ATP2B3: variants seen among roughly 807,000 people sequenced by gnomAD.
ATP2B3 encodes plasma membrane calcium-transporting ATPase 3.
ATP2B3 carries 12 observed loss-of-function variants against 70.8 expected under a neutral mutation model. That is an observed-to-expected ratio of 0.17 (90% CI 0.11 to 0.27). The LOEUF (loss-of-function observed/expected upper bound fraction) is 0.27, where lower values mean the gene tolerates loss of function less well. ATP2B3 is among the 10% of genes least tolerant of loss of function. ATP2B3 has a pLI of 1.00. For synonymous variants in ATP2B3, 460 were observed against 497.8 expected, an observed-to-expected ratio of 0.92 and a Z score of 1.01; for missense variants, 858 against 1,118.5, an observed-to-expected ratio of 0.77 and a Z score of 3.32.
chrX:153,556,932 C>T lies in ATP2B3; in HGVS notation c.2342C>T (p.Thr781Ile). The change falls in exon 16 of 22, where the codon ACC (threonine) becomes ATC (isoleucine). Residue 781 changes from threonine (T) to isoleucine (I), a missense_variant. Thr to Ile is a moderately conservative substitution (Grantham distance 89). Coordinates refer to ENST00000263519, the MANE Select transcript of ATP2B3 (RefSeq NM_001001344.3). ...HTLVKGIIDS[T>I]TGEQRQVVAV... ...TGTCTTCCAGGGATTATCGACAGCA[C>T]CACTGGTGAGCAGCGGCAGGTGGTG... 8.4e-7 allele frequency: 1 copy of T among 1,192,250 alleles called. No homozygotes were observed. The highest frequency in any genetic ancestry group is 1.1e-6 in the Non-Finnish European group (1 of 885,351).
intron 2 of ATP2B3, among the ~76,000 whole-genome samples, chrX:153,521,587 C>T (rs1236230411): frequency 2.7e-5 from 3 of 111,874 alleles, no homozygotes; most frequent in Admixed American, 9.4e-5. Context: ...CGAGTATGTC[C>T]GTGTCCTTGA....
chrX:153,548,812 C>A lies in ATP2B3; in HGVS notation c.1296C>A (p.Gly432=). 2 of 1,211,791 alleles carry A rather than the reference C, an allele frequency of 1.7e-6. No individual in the cohort carries two copies. Among genetic ancestry groups the A allele is most frequent in the Non-Finnish European group, 2.2e-6 (2 of 895,371 alleles). ...TGCTGGTCGTGGCTGTCCCAGAGGGCCTGCCTCTTGCTGTCACCATCTCCT... is the reference window on the plus strand; with the variant it reads ...TGCTGGTCGTGGCTGTCCCAGAGGGACTGCCTCTTGCTGTCACCATCTCCT... ...VTVLVVAVPE[G]LPLAVTISLA... Residue 432 remains glycine (G), a synonymous_variant, in exon 10 of 22, where the codon GGC becomes GGA. Transcript: ENST00000263519.
intron 2 of ATP2B3, among the ~76,000 whole-genome samples, chrX:153,523,852 C>T (rs2089994103): frequency 9.1e-6 from 1 of 109,760 alleles, no homozygotes; most frequent in Non-Finnish European, 1.9e-5. Context: ...CCCGCCACCA[C>T]ACCCGGCTAA....
At position 153,526,262 on chromosome X, in the gene ATP2B3, G is replaced by A. The variant is rs187050149; in HGVS notation, c.-127+7711G>A. Among the ~76,000 whole-genome samples, 4 of 111,983 alleles carry A rather than the reference G, an allele frequency of 3.6e-5. No individual in the cohort carries two copies. In the Admixed American group the frequency reaches 3.8e-4, roughly 11 times the overall value. On this transcript the variant is annotated intron_variant, in intron 2 of 21. Coordinates refer to ENST00000263519, the MANE Select transcript of ATP2B3 (RefSeq NM_001001344.3). ...GCACAGAGGGGGCGGGAGGAATGGT[G>A]CTGATGACAGATGATGATAAGAGGG...
chrX:153,561,134 C>T (rs17091314), intron 19 of ATP2B3, among the ~76,000 whole-genome samples: 5,858 of 112,185 alleles, frequency 0.052, 146 homozygotes, highest in African/African-American at 0.076. Context: ...TTCGTGAGCC[C>T]TCATCGGAAC....
At chrX:153,526,058 T>C (rs1300983817) in intron 2 of ATP2B3, among the ~76,000 whole-genome samples, 1 of 112,619 alleles carries the variant, frequency 8.9e-6, no homozygotes, top group Non-Finnish European at 1.9e-5. Context: ...AGCTGGGCTA[T>C]AGCACAATCG....
chrX:153,573,423 C>T (rs1431767966), intron 21 of ATP2B3, among the ~76,000 whole-genome samples: 1 of 112,502 alleles, frequency 8.9e-6, no homozygotes, highest in East Asian at 2.8e-4. Flanking sequence ...TACCTGGTTT[C>T]TGGGAACGGT....
intron 21 of ATP2B3, among the ~76,000 whole-genome samples, chrX:153,571,002 G>GCACA (rs782372965): frequency 4.7e-3 from 126 of 26,749 alleles, no homozygotes; most frequent in South Asian, 9.9e-3. Flanking sequence ...ACGTGCGCGC[G>GCACA]TACACACACA....
At chrX:153,559,687 G>A (rs1557015326) in intron 17 of ATP2B3, 42 bp from the exon 18 acceptor site, 10 of 1,169,722 alleles carry the variant, frequency 8.5e-6, no homozygotes, top group East Asian at 6.0e-5. Context: ...CAACCTTCCC[G>A]GGCAGGCGGC....
chrX:153,553,000 C>A (rs782708907), intron 12 of ATP2B3, 35 bp from the exon 13 acceptor site: 3 of 1,139,485 alleles, frequency 2.6e-6, no homozygotes, highest in Non-Finnish European at 3.6e-6. Context: ...GTTCTCTCCC[C>A]ACCTCCACCT....
chrX:153,574,898 A>G (rs1557020923), intron 21 of ATP2B3: 1 of 327,698 alleles, frequency 3.1e-6, no homozygotes, highest in Non-Finnish European at 6.0e-6. Flanking sequence ...GGGCCTTGTC[A>G]GTCTGCAGCG....
intron 6 of ATP2B3, 137 bp from the exon 7 acceptor site, chrX:153,542,906 G>A: frequency 2.3e-6 from 2 of 868,586 alleles, no homozygotes; most frequent in Non-Finnish European, 3.2e-6. Flanking sequence ...AAGCCAGGGA[G>A]GAGGCTTCAG....
At chrX:153,522,131 C>T (rs1461018877) in intron 2 of ATP2B3, among the ~76,000 whole-genome samples, 1 of 112,663 alleles carries the variant, frequency 8.9e-6, no homozygotes, top group African/African-American at 3.2e-5. Context: ...TGGGCTTGAA[C>T]GGGTCGTTCC....
Position 153,565,029 on chromosome X carries a change from A to T in ATP2B3, c.3268A>T (p.Ile1090Phe). ...GGAGCTGGCCGAAGGCGAGGAAGAG[A>T]TCGACCATGCCGAGCGGGAGCTCCG... ...DEELAEGEEE[I>F]DHAERELRRG... Residue 1090 changes from isoleucine (I) to phenylalanine (F), a missense_variant, in exon 21 of 22, where the codon ATC becomes TTC. By Grantham distance (21) the Ile-to-Phe change is conservative. This residue lies in a region of ATP2B3 where 265 missense variants were observed against 305.3 expected (regional missense o/e 0.87). Transcript: ENST00000263519. The T allele has an allele frequency of 1.7e-6, 2 of 1,201,776 alleles. No individual in the cohort carries two copies. The highest frequency in any genetic ancestry group is 2.2e-6 in the Non-Finnish European group (2 of 890,333).
Position 153,582,686 on chromosome X carries a change from C to T in ATP2B3, c.*2388C>T, listed in dbSNP as rs781881981. 4.6e-4 allele frequency: 52 copies of T among 112,651 alleles called. No individual in the cohort carries two copies. Among genetic ancestry groups the T allele is most frequent in the African/African-American group, 1.7e-3 (52 of 30,886 alleles). 9.3% of individuals were successfully genotyped at this position (112,651 alleles called of 1,213,427 possible). A position where few individuals can be genotyped will look rare whatever the true frequency, so the allele number is the denominator to read the frequency against. ...TTTTTGCAGTCTTCAAGGCTGGGGG[C>T]CCTGTCTCATTGGGAAGCCCCTCTT... is the stretch of plus-strand genomic sequence containing the variant. On this transcript the variant is annotated 3_prime_UTR_variant, in exon 22 of 22. Coordinates refer to ENST00000263519, the MANE Select transcript of ATP2B3 (RefSeq NM_001001344.3).
intron 3 of ATP2B3, 80 bp from the exon 4 acceptor site, chrX:153,541,279 C>A: frequency 5.3e-6 from 6 of 1,140,836 alleles, no homozygotes; most frequent in Non-Finnish European, 7.2e-6. Flanking sequence ...TCAGTCAGGG[C>A]CACATAGGAG....
rs1557012339 is a variant in ATP2B3, at chrX:153,553,210, G to A, written c.1999G>A (p.Val667Ile). The A allele has an allele frequency of 8.3e-7, 1 of 1,211,569 alleles. No homozygotes were observed. Among genetic ancestry groups the A allele is most frequent in the Non-Finnish European group, 1.1e-6 (1 of 895,379 alleles). Reference sequence around the variant, plus strand: ...GCCCGACTGGGACAACGAGAATGAGGTCGTGGGTGACCTCACCTGCATAGC... The same window carrying A: ...GCCCGACTGGGACAACGAGAATGAGATCGTGGGTGACCTCACCTGCATAGC... ...QEPDWDNENEVVGDLTCIAVV... is the reference protein window; with the variant it reads ...QEPDWDNENEIVGDLTCIAVV... Residue 667 changes from valine to isoleucine, a missense_variant, in exon 13 of 22, where the codon GTC becomes ATC. Val to Ile is a conservative substitution (Grantham distance 29). Coordinates refer to ENST00000263519, the MANE Select transcript of ATP2B3 (RefSeq NM_001001344.3).
chrX:153,533,668 A>G (rs142282085), intron 2 of ATP2B3, among the ~76,000 whole-genome samples: 7,227 of 111,194 alleles, frequency 0.065, 577 homozygotes, highest in African/African-American at 0.22. Context: ...GGGGAGGGCC[A>G]GCAGGGCCAG....
At position 153,574,424 on chromosome X, in the gene ATP2B3, G is replaced by A. The variant is rs58529719; in HGVS notation, c.3343-5554G>A. Among the ~76,000 whole-genome samples, 722 of 111,935 alleles carry A rather than the reference G, an allele frequency of 6.5e-3. 4 individuals carry two copies. Among genetic ancestry groups the A allele is most frequent in the African/African-American group, 0.023 (706 of 30,769 alleles). ...GTGGTTGGTGCTGAGCAGTGGATAG[G>A]TAGGGAGGAAATCGACCAGAAGCAT... is the stretch of plus-strand genomic sequence containing the variant. On this transcript the variant is annotated intron_variant, in intron 21 of 21. Transcript: ENST00000263519.
Sources: gnomAD v4.1 joint callset for allele counts (sites outside exome capture counted in the v4.1 genomes callset) on GRCh38, gnomAD v4.1.1 for gene constraint, gnomAD v4.1.1 regional missense constraint, MANE v1.5 for transcripts, NCBI Gene and HGNC (gene_info 2026-07-23, HGNC 2026-07-21) for gene names.